PPM1K: variants seen among roughly 807,000 people sequenced by gnomAD.
PPM1K encodes the protein protein phosphatase Mn(2+)-dependent 1K.
Under a neutral mutation model 32.6 loss-of-function variants are expected in PPM1K, and 19 were observed. That is an observed-to-expected ratio of 0.58 (90% confidence interval 0.41 to 0.86). The LOEUF is 0.86. PPM1K is among the 40% of genes least tolerant of loss of function. The pLI is 0.00. For synonymous variants in PPM1K, 159 were observed against 165.3 expected, an observed-to-expected ratio of 0.96 and a Z score of 0.29; for missense variants, 362 against 461.2, an observed-to-expected ratio of 0.78 and a Z score of 1.97.
At position 88,277,184 on chromosome 4, in the gene PPM1K, A is replaced by G. The variant is rs11557705; in HGVS notation, c.500T>C (p.Ile167Thr). Residue 167 changes from isoleucine (I) to threonine (T), a missense_variant, in exon 3 of 7, where the codon ATA (isoleucine) becomes ACA (threonine). By Grantham distance (89) the Ile-to-Thr change is moderately conservative (BLOSUM62 -1). Transcript: ENST00000608933. ...GGCATGACTCGAAAAGGCTTTATCTATTTCTAGAAAAGCCAAGGTCAACAG... is the reference window on the plus strand; with the variant it reads ...GGCATGACTCGAAAAGGCTTTATCTGTTTCTAGAAAAGCCAAGGTCAACAG... ...ETLLTLAFLE[I>T]DKAFSSHARL... The G allele has an allele frequency of 5.9e-5, 95 of 1,613,848 alleles. No individual in the cohort carries two copies. The highest frequency in any genetic ancestry group is 8.1e-5 in the Non-Finnish European group (95 of 1,179,910).
chr4:88,275,511 C>T (rs1399243204), intron 3 of PPM1K: 2 of 985,258 alleles, frequency 2.0e-6, no homozygotes, highest in Non-Finnish European at 2.4e-6. Flanking sequence ...GTTTAAGCAT[C>T]TACATTGACT....
At chr4:88,280,928 G>T (rs966332626) in intron 1 of PPM1K, among the ~76,000 whole-genome samples, 1 of 152,108 alleles carries the variant, frequency 6.6e-6, no homozygotes, top group Admixed American at 6.5e-5. Context: ...GCTTCTAATT[G>T]AGAGTTAGAT....
At chr4:88,270,261 AAAGT>A (rs1261747036) in intron 3 of PPM1K, among the ~76,000 whole-genome samples, 7 of 152,238 alleles carry the variant, frequency 4.6e-5, no homozygotes, top group Non-Finnish European at 8.8e-5. Flanking sequence ...TTTAATCAGA[AAAGT>A]AAGATGGAAA....
chr4:88,272,979 T>C (rs1426294046), intron 3 of PPM1K, among the ~76,000 whole-genome samples: 1 of 152,208 alleles, frequency 6.6e-6, no homozygotes, highest in African/African-American at 2.4e-5. Flanking sequence ...TTGCCCACGC[T>C]GAACTCACAC....
At chr4:88,268,431 G>A in intron 4 of PPM1K, 97 bp from the exon 5 acceptor site, 1 of 1,383,782 alleles carries the variant, frequency 7.2e-7, no homozygotes, top group Non-Finnish European at 1.0e-6. Context: ...GACCATCCTG[G>A]CTAACACGGT....
At chr4:88,270,972 C>A (rs953312763) in intron 3 of PPM1K, 3 of 369,058 alleles carry the variant, frequency 8.1e-6, no homozygotes, top group Non-Finnish European at 1.1e-5. Context: ...AAAACTAAGA[C>A]ATCTTTCAAT....
chr4:88,276,408 CA>C, intron 3 of PPM1K: 2 of 985,320 alleles, frequency 2.0e-6, no homozygotes, highest in Non-Finnish European at 2.4e-6. Flanking sequence ...ACTTTAACAG[CA>C]AAAGATTTGG....
rs1371722298 is a variant in PPM1K, at chr4:88,262,562, T to C, written c.*33A>G. ...TTTCTTGACATGCTCAGTGAAAAAC[T>C]GTTGCACAGAAACTCTAAGTCCCAG... On this transcript the variant is annotated 3_prime_UTR_variant, in exon 7 of 7. Transcript: ENST00000608933. 5 of 1,609,284 alleles carry C rather than the reference T, an allele frequency of 3.1e-6. No individual in the cohort carries two copies.
At chr4:88,284,275 A>C (rs1276980702) in intron 1 of PPM1K, 131 bp downstream of exon 1, 1 of 152,330 alleles carries the variant, frequency 6.6e-6, no homozygotes, top group Non-Finnish European at 1.5e-5. Context: ...GGGCGGGGGA[A>C]CGGAAACCGA....
intron 5 of PPM1K, among the ~76,000 whole-genome samples, chr4:88,266,354 G>A (rs1231361976): frequency 1.3e-5 from 2 of 152,238 alleles, no homozygotes; most frequent in Non-Finnish European, 2.9e-5. Context: ...GAAAAGGGAA[G>A]TTGGGGCAGC....
rs530686642 is a variant in PPM1K, at chr4:88,265,258, T to C, written c.853-123A>G. On this transcript the variant is annotated intron_variant, in intron 5 of 6. Coordinates refer to ENST00000608933, the MANE Select transcript of PPM1K (RefSeq NM_152542.5). ...CTGTGTAACAGCTTGTAAGCTGATA[T>C]GGTTTGGCTGTGTCCCCACCCAAAT... The C allele has an allele frequency of 1.0e-4, 114 of 1,123,566 alleles. 5 individuals carry two copies. The South Asian group carries it at 1.3e-3, about 13-fold the overall frequency. The allele number at this position is 1,123,566 out of a possible 1,614,324, so 69.6% of individuals were successfully genotyped here. A position where few individuals can be genotyped will look rare whatever the true frequency, so the allele number is the denominator to read the frequency against.
At chr4:88,268,152 T>C in intron 5 of PPM1K, 38 bp downstream of exon 5, 1 of 1,607,074 alleles carries the variant, frequency 6.2e-7, no homozygotes, top group South Asian at 1.1e-5. Context: ...ACATTCACTC[T>C]CCGCAGGTTT....
intron 5 of PPM1K, among the ~76,000 whole-genome samples, chr4:88,266,272 C>T (rs1400015254): frequency 1.3e-5 from 2 of 152,160 alleles, no homozygotes; most frequent in African/African-American, 2.4e-5. Flanking sequence ...CAGTTCAGGA[C>T]AATGAAGACA....
chr4:88,268,232 C>A lies in PPM1K; in HGVS notation c.810G>T (p.Lys270Asn). The A allele has an allele frequency of 1.2e-6, 2 of 1,614,154 alleles. No homozygotes were observed. The highest frequency in any genetic ancestry group is 1.7e-6 in the Non-Finnish European group (2 of 1,180,012). Residue 270 changes from lysine (K) to asparagine (N), a missense_variant, in exon 5 of 7, where the codon AAG (lysine) becomes AAT (asparagine). Transcript: ENST00000608933. ...CAGGTTCTGCTATGACACCACTGGTCTTAAGGTCCAAATCTCCAATACTTC... is the reference window on the plus strand; with the variant it reads ...CAGGTTCTGCTATGACACCACTGGTATTAAGGTCCAAATCTCCAATACTTC... Reference protein sequence around the residue: ...MTRSIGDLDLKTSGVIAEPET... With the variant: ...MTRSIGDLDLNTSGVIAEPET...
chr4:88,262,721 T>C lies in PPM1K; in HGVS notation c.993A>G (p.Ile331Met). Residue 331 changes from isoleucine (I) to methionine (M), a missense_variant, in exon 7 of 7, where the codon ATA becomes ATG. Physicochemically the swap from Ile to Met is conservative, Grantham distance 10. Transcript: ENST00000608933. ...TACTGTTATCCTCAGTACCGTACTG[T>C]ATTGCCTGCAAGGTTTGGCAGGAAG... is the stretch of plus-strand genomic sequence containing the variant. ...EAAHAVTEQA[I>M]QYGTEDNSTA... is the part of the protein sequence containing the mutation. 6.2e-7 allele frequency: 1 copy of C among 1,601,620 alleles called. No individual in the cohort carries two copies. The highest frequency in any genetic ancestry group is 8.5e-7 in the Non-Finnish European group (1 of 1,175,658).
intron 3 of PPM1K, among the ~76,000 whole-genome samples, chr4:88,272,271 G>T (rs1419919437): frequency 6.6e-6 from 1 of 152,044 alleles, no homozygotes; most frequent in African/African-American, 2.4e-5. Flanking sequence ...CCCGGCATAG[G>T]GGATTCAAAA....
In PPM1K at chr4:88,278,508, G is replaced by A. The variant is rs760164545; in HGVS notation, c.76C>T (p.Arg26Cys). 9 of 1,613,950 alleles carry A rather than the reference G, an allele frequency of 5.6e-6. No individual in the cohort carries two copies. The highest frequency in any genetic ancestry group is 2.2e-5 in the East Asian group (1 of 44,886). Residue 26 changes from arginine (R) to cysteine (C), a missense_variant, in exon 2 of 7, where the codon CGC becomes TGC. Arg to Cys is a radical substitution (Grantham distance 180). Transcript: ENST00000608933. This position sits in a 1 kb window ranked among gnomAD's most constrained non-coding sequence, Gnocchi z 4.2. ...ACCCGCCTGTCGTCCTGCAGCAGGC[G>A]GGAGCTTAGCAGCACTCTCCTTCTC... ...QVRRRVLLSSRLLQDDRRVTP... is the reference protein window; with the variant it reads ...QVRRRVLLSSCLLQDDRRVTP...
At position 88,278,567 on chromosome 4, in the gene PPM1K, A is replaced by G. The variant is rs1284038936; in HGVS notation, c.17T>C (p.Leu6Ser). The G allele has an allele frequency of 6.2e-7, 1 of 1,609,088 alleles. No individual in the cohort carries two copies. Among genetic ancestry groups the G allele is most frequent in the Non-Finnish European group, 8.5e-7 (1 of 1,177,422 alleles). The change falls in exon 2 of 7, where the codon TTA becomes TCA. Residue 6 changes from leucine to serine, a missense_variant. Leu to Ser is a moderately radical substitution (Grantham distance 145). Transcript: ENST00000608933. This position sits in a 1 kb window ranked among gnomAD's most constrained non-coding sequence, Gnocchi z 4.2. ...CCCACCACTTCTGACCAAAGTAATT[A>G]AGGCAGCTGTTGACATAACTCAGCT... The part of the protein sequence containing the change: MSTAA[L>S]ITLVRSGGNQ...
intron 3 of PPM1K, chr4:88,275,666 C>G (rs951200956): frequency 1.0e-6 from 1 of 985,182 alleles, no homozygotes; most frequent in African/African-American, 1.8e-5. Flanking sequence ...GGGCACACCA[C>G]CGACACTACA....
Sources: allele counts gnomAD v4.1 joint callset (sites outside exome capture counted in the v4.1 genomes callset), GRCh38; gene constraint gnomAD v4.1.1; non-coding constraint Gnocchi (gnomAD v3.1); transcripts MANE v1.5; gene names NCBI Gene and HGNC (gene_info 2026-07-23, HGNC 2026-07-21).